The following RIPOR3 variants were observed in gnomAD, a reference collection of about 807,000 sequenced individuals.
RIPOR3 encodes the protein family with sequence similarity 65 member C.
Under a neutral mutation model 114.3 loss-of-function variants are expected in RIPOR3, and 95 were observed. That is an observed-to-expected ratio of 0.83 (90% CI 0.70 to 0.99). The LOEUF (loss-of-function observed/expected upper bound fraction) is 0.99. Ranked by LOEUF, RIPOR3 falls within the 50% of genes least tolerant of loss-of-function variation. The probability of loss-of-function intolerance (pLI) is 0.00; values close to 1 mark genes in which losing one functional copy is unlikely to be tolerated. For missense variants in RIPOR3, 1,252 were observed against 1,266.9 expected (o/e 0.99, Z 0.18); for synonymous variants, 575 against 543.8 (o/e 1.06, Z -0.80).
Position 50,604,727 on chromosome 20 carries a change from T to C in RIPOR3, c.1004A>G (p.Lys335Arg). 1 of 1,609,050 alleles carries C rather than the reference T, an allele frequency of 6.2e-7. No individual in the cohort carries two copies. Among genetic ancestry groups the C allele is most frequent in the Non-Finnish European group, 8.5e-7 (1 of 1,178,034 alleles). Reference protein sequence around the residue: ...SFLVSPSPTGKFSMGSRKGSL... With the variant: ...SFLVSPSPTGRFSMGSRKGSL... ...GCCCTTCCTGCTGCCCATAGAAAAC[T>C]TGCCCGTGGGGCTGGGTGACACCAG... Residue 335 changes from lysine (K) to arginine (R), a missense_variant, in exon 12 of 22, where the codon AAG becomes AGG. Coordinates refer to ENST00000327979, the MANE Select transcript of RIPOR3 (RefSeq NM_001290268.2).
intron 1 of RIPOR3, among the ~76,000 whole-genome samples, chr20:50,687,347 G>C (rs991776695): frequency 1.3e-5 from 2 of 152,252 alleles, no homozygotes; most frequent in African/African-American, 4.8e-5. Context: ...GCTGGTTTAA[G>C]TGAGATGGGG....
At chr20:50,672,105 C>G (rs1005353161) in intron 1 of RIPOR3, among the ~76,000 whole-genome samples, 1 of 152,050 alleles carries the variant, frequency 6.6e-6, no homozygotes, top group Admixed American at 6.6e-5. Flanking sequence ...GTGTGAATAT[C>G]ACAGAATCAG....
At chr20:50,666,579 T>C (rs2086256434) in intron 1 of RIPOR3, among the ~76,000 whole-genome samples, 1 of 150,806 alleles carries the variant, frequency 6.6e-6, no homozygotes, top group African/African-American at 2.4e-5. Context: ...TTTGTTGTTT[T>C]TTTGAGACGG....
intron 1 of RIPOR3, among the ~76,000 whole-genome samples, chr20:50,671,134 ATTTTAGTTGTT>A (rs946400758): frequency 3.9e-5 from 6 of 151,934 alleles, no homozygotes; most frequent in African/African-American, 1.4e-4. Flanking sequence ...TTTTAGTTGT[ATTTTAGTTGTT>A]TAGGGTTATT....
At chr20:50,593,507 G>T (rs941974713) in intron 17 of RIPOR3, among the ~76,000 whole-genome samples, 2 of 152,260 alleles carry the variant, frequency 1.3e-5, no homozygotes, top group East Asian at 3.9e-4. Context: ...GGAGGTGGAG[G>T]TTGTAGTGAG....
intron 1 of RIPOR3, among the ~76,000 whole-genome samples, chr20:50,649,568 C>T (rs532615521): frequency 6.6e-6 from 1 of 152,308 alleles, no homozygotes; most frequent in South Asian, 2.1e-4. Context: ...GCAGCCAGGC[C>T]TGGCCCAGCC....
chr20:50,652,590 C>CAAAAAAAAAAAA (rs11470456), intron 1 of RIPOR3, among the ~76,000 whole-genome samples: 2 of 87,318 alleles, frequency 2.3e-5, no homozygotes, highest in Non-Finnish European at 4.5e-5. Context: ...GATTCTGTCT[C>CAAAAAAAAAAAA]AAAAAAAAAA....
chr20:50,680,203 T>C (rs1344181441), intron 1 of RIPOR3, among the ~76,000 whole-genome samples: 1 of 152,192 alleles, frequency 6.6e-6, no homozygotes, highest in Non-Finnish European at 1.5e-5. Context: ...CAGATTCTCA[T>C]AACTCAGGCG....
intron 3 of RIPOR3, among the ~76,000 whole-genome samples, chr20:50,617,459 G>A (rs552660569): frequency 6.6e-6 from 1 of 152,100 alleles, no homozygotes; most frequent in South Asian, 2.1e-4. Flanking sequence ...GCTTGCTGCA[G>A]CCTCCACCTC....
intron 13 of RIPOR3, among the ~76,000 whole-genome samples, chr20:50,601,260 C>G (rs960792178): frequency 5.9e-5 from 9 of 152,116 alleles, no homozygotes; most frequent in African/African-American, 2.2e-4. Context: ...ATGGCGAAAC[C>G]CCATCTCTAC....
chr20:50,610,695 C>T (rs767906639), intron 6 of RIPOR3, among the ~76,000 whole-genome samples, 158 bp downstream of exon 6: 1 of 152,132 alleles, frequency 6.6e-6, no homozygotes, highest in African/African-American at 2.4e-5. Flanking sequence ...TCAACTGGCC[C>T]GAGGCCCCTG....
intron 1 of RIPOR3, among the ~76,000 whole-genome samples, chr20:50,635,345 T>C (rs2084947029): frequency 1.3e-5 from 2 of 152,110 alleles, no homozygotes. Context: ...ACTATCCCCA[T>C]TTTGCAGATA....
At chr20:50,607,110 C>A (rs2083751630) in intron 11 of RIPOR3, among the ~76,000 whole-genome samples, 1 of 152,182 alleles carries the variant, frequency 6.6e-6, no homozygotes, top group African/African-American at 2.4e-5. Context: ...TTGTTCAAGT[C>A]TTTGTTCAAA....
chr20:50,606,187 C>A (rs189342042), intron 11 of RIPOR3, among the ~76,000 whole-genome samples: 1 of 152,332 alleles, frequency 6.6e-6, no homozygotes, highest in East Asian at 1.9e-4. Flanking sequence ...GCCTGGGCGA[C>A]AGAGCGAGAC....
intron 6 of RIPOR3, among the ~76,000 whole-genome samples, chr20:50,610,057 C>CCCTGCCACCCCTGCCTCA (rs1568855089): frequency 1.5e-5 from 2 of 129,186 alleles, no homozygotes; most frequent in Admixed American, 1.5e-4. Context: ...CCCCTGCCTC[C>CCCTGCCACCCCTGCCTCA]CCTGCCACCC....
At chr20:50,668,879 A>C (rs1422501250) in intron 1 of RIPOR3, among the ~76,000 whole-genome samples, 1 of 152,050 alleles carries the variant, frequency 6.6e-6, no homozygotes, top group Non-Finnish European at 1.5e-5. Flanking sequence ...AAATTCAGGA[A>C]ATGATGAGGC....
intron 12 of RIPOR3, among the ~76,000 whole-genome samples, chr20:50,603,214 A>T (rs1388270569): frequency 6.6e-6 from 1 of 152,150 alleles, no homozygotes; most frequent in Non-Finnish European, 1.5e-5. Flanking sequence ...CCTGGCCTGG[A>T]GCAGAGGCTG....
intron 1 of RIPOR3, among the ~76,000 whole-genome samples, chr20:50,668,529 C>A (rs1299074629): frequency 2.0e-5 from 3 of 152,148 alleles, no homozygotes; most frequent in African/African-American, 7.2e-5. Context: ...CACACCCACA[C>A]AACAATCCAG....
chr20:50,592,870 T>TA lies in RIPOR3; in HGVS notation c.2374+164dup, dbSNP rs1481864370. Among the ~76,000 whole-genome samples the TA allele has an allele frequency of 5.3e-5, 8 of 152,234 alleles. No individual in the cohort carries two copies. The East Asian group carries it at 1.5e-3, about 29-fold the overall frequency. ...TAAAGCTGACTTCCCTTGGAGCTAATATCAGCCCCCATCGGCTGAACGCAG... is the reference window on the plus strand; with the variant it reads ...TAAAGCTGACTTCCCTTGGAGCTAATAATCAGCCCCCATCGGCTGAACGCAG... On this transcript the variant is annotated intron_variant, in intron 18 of 21. Transcript: ENST00000327979.
Sources: gnomAD v4.1 joint callset for allele counts (sites outside exome capture counted in the v4.1 genomes callset) on GRCh38, gnomAD v4.1.1 for gene constraint, MANE v1.5 for transcripts, NCBI Gene and HGNC (gene_info 2026-07-23, HGNC 2026-07-21) for gene names.